The following EVC2 variants were observed in gnomAD, a reference collection of about 807,000 sequenced individuals.
EVC2 encodes limbin.
Under a neutral mutation model 149.3 loss-of-function variants are expected in EVC2, and 148 were observed. The ratio of observed to expected loss-of-function variants is 0.99; its 90% CI spans 0.87 to 1.14. The LOEUF (loss-of-function observed/expected upper bound fraction) is 1.14, where lower values mean the gene tolerates loss of function less well. EVC2 is among the 50% of genes most tolerant of loss of function. The pLI, the probability that EVC2 is intolerant of heterozygous loss-of-function variation, is 0.00. For missense variants in EVC2, 1,854 were observed against 1,627.3 expected, an observed-to-expected ratio of 1.14 and a Z score of -2.40; for synonymous variants, 776 against 649.9, an observed-to-expected ratio of 1.19 and a Z score of -2.95.
In EVC2 at chr4:5,567,659, A is replaced by C. The variant is rs1722372116; in HGVS notation, c.3557+785T>G. ...CCCATAAAAAGCCTTTAATGACCAA[A>C]TTCACACCTGGGGCCCCATCCTAAA... is the stretch of plus-strand genomic sequence containing the variant. On this transcript the variant is annotated intron_variant, in intron 20 of 21. Transcript: ENST00000344408. This position sits in a 1 kb window ranked among gnomAD's most constrained non-coding sequence, Gnocchi z 4.4. Among the ~76,000 whole-genome samples, 1 of 151,884 alleles carries C rather than the reference A, an allele frequency of 6.6e-6. No individual in the cohort carries two copies. The highest frequency in any genetic ancestry group is 1.5e-5 in the Non-Finnish European group (1 of 67,982).
At chr4:5,568,198 T>C (rs1397651689) in intron 20 of EVC2, among the ~76,000 whole-genome samples, 2 of 151,854 alleles carry the variant, frequency 1.3e-5, no homozygotes, top group Non-Finnish European at 2.9e-5. Context: ...CATAAAACCA[T>C]GGATATTTCT....
At chr4:5,529,649 A>T in the EVC2 span, among the ~76,000 whole-genome samples, 1 of 152,154 alleles carries the variant, frequency 6.6e-6, no homozygotes, top group Non-Finnish European at 1.5e-5. The surrounding 1 kb of genome is among the most constrained non-coding windows in gnomAD (Gnocchi z 4.5). Context: ...ATTGAAATAC[A>T]TTGGAAGCTT....
chr4:5,529,032 A>G, the EVC2 span, among the ~76,000 whole-genome samples: 4 of 152,196 alleles, frequency 2.6e-5, no homozygotes, highest in Non-Finnish European at 2.9e-5. This position sits in a 1 kb window ranked among gnomAD's most constrained non-coding sequence, Gnocchi z 4.5. Flanking sequence ...ATATATATAT[A>G]GCTTACCCCT....
At position 5,562,490 on chromosome 4, in the gene EVC2, T is replaced by C. The variant is rs1722015413; in HGVS notation, c.*358A>G. ...AAATTCCCTTTATAAAAATAGAATA[T>C]GTAACAAATACAAAACATAAGAGTA... On this transcript the variant is annotated 3_prime_UTR_variant, in exon 22 of 22. Transcript: ENST00000344408. The surrounding 1 kb of genome is among the most constrained non-coding windows in gnomAD (Gnocchi z 4.3). 6 of 1,100,758 alleles carry C rather than the reference T, an allele frequency of 5.5e-6. No individual in the cohort carries two copies. Among genetic ancestry groups the C allele is most frequent in the East Asian group, 6.3e-5 (1 of 15,892 alleles). The allele number at this position is 1,100,758 out of a possible 1,614,324, so 68.2% of individuals were successfully genotyped here.
rs995406340 is a variant in EVC2, at chr4:5,587,903, C to T, written c.2830-3053G>A. Among the ~76,000 whole-genome samples, 20 of 152,072 alleles carry T rather than the reference C, an allele frequency of 1.3e-4. 1 individual carries two copies. The highest frequency in any genetic ancestry group is 1.2e-4 in the African/African-American group (5 of 41,410). ...TTTAACTACCAGGCCCAGGGTGTGG[C>T]GCCGGGCTGTCTGCTTGTGGATTTC... On this transcript the variant is annotated intron_variant, in intron 16 of 21. Coordinates refer to ENST00000344408, the MANE Select transcript of EVC2 (RefSeq NM_147127.5).
In EVC2 at chr4:5,657,097, G is replaced by A. The variant is rs567627772; in HGVS notation, c.1145+6010C>T. On this transcript the variant is annotated intron_variant, in intron 9 of 21. Coordinates refer to ENST00000344408, the MANE Select transcript of EVC2 (RefSeq NM_147127.5). This position sits in a 1 kb window ranked among gnomAD's most constrained non-coding sequence, Gnocchi z 4.7. ...TCCATGCCTCCATCCAGACCACTGA[G>A]ACCACTGCAGGGGAAGGCACCTCGT... is the stretch of plus-strand genomic sequence containing the variant. Among the ~76,000 whole-genome samples the A allele has an allele frequency of 1.2e-3, 186 of 152,282 alleles. 1 individual carries two copies. Among genetic ancestry groups the A allele is most frequent in the Non-Finnish European group, 2.3e-3 (157 of 68,024 alleles).
intron 5 of EVC2, 142 bp from the exon 6 acceptor site, chr4:5,685,621 A>C: frequency 1.5e-6 from 1 of 678,622 alleles, no homozygotes; most frequent in Non-Finnish European, 2.6e-6. Flanking sequence ...TGCAGCAAGG[A>C]AGCCCTTTGT....
At chr4:5,659,650 G>T (rs1718753799) in intron 9 of EVC2, among the ~76,000 whole-genome samples, 1 of 152,102 alleles carries the variant, frequency 6.6e-6, no homozygotes, top group Non-Finnish European at 1.5e-5. Flanking sequence ...TATAATTCCA[G>T]AGGTGCAAGA....
chr4:5,649,859 A>G (rs1334551535), intron 9 of EVC2, among the ~76,000 whole-genome samples: 1 of 145,208 alleles, frequency 6.9e-6, no homozygotes, highest in Non-Finnish European at 1.5e-5. Context: ...TTTATAAACT[A>G]TCCATTTGAA....
In EVC2 at chr4:5,613,730, C is replaced by A. The variant is rs76338045; in HGVS notation, c.2829+1692G>T. The stretch of plus-strand genomic sequence containing the variant: ...CAGTGGCTCTCACATTGATGTATAT[C>A]TCTTGAATTAGCCTTTAACAATAGG... On this transcript the variant is annotated intron_variant, in intron 16 of 21. Transcript: ENST00000344408. This position sits in a 1 kb window ranked among gnomAD's most constrained non-coding sequence, Gnocchi z 4.6. 8.0e-4 allele frequency among the ~76,000 whole-genome samples: 119 copies of A among 147,838 alleles called. No individual in the cohort carries two copies. The highest frequency in any genetic ancestry group is 3.0e-3 in the African/African-American group (113 of 37,848).
At chr4:5,707,665 G>T (rs1722301436) in intron 1 of EVC2, among the ~76,000 whole-genome samples, 1 of 152,088 alleles carries the variant, frequency 6.6e-6, no homozygotes, top group Non-Finnish European at 1.5e-5. Context: ...GCAGACATCC[G>T]AGCTGATTTG....
chr4:5,566,021 C>G (rs565990233), intron 20 of EVC2, among the ~76,000 whole-genome samples: 1 of 152,356 alleles, frequency 6.6e-6, no homozygotes, highest in South Asian at 2.1e-4. Context: ...GCAAGCAGGG[C>G]TTTGTCTCTT....
chr4:5,594,768 C>T (rs1466794039), intron 16 of EVC2, among the ~76,000 whole-genome samples: 1 of 152,168 alleles, frequency 6.6e-6, no homozygotes, highest in East Asian at 1.9e-4. Context: ...GATCAAACTA[C>T]TCCAAGCTAC....
rs1363199752 is a variant in EVC2 at position 5,677,423 on chromosome 4, G to A, written c.870+3837C>T. ...CTCCCTGAATGTGGTCCACAGCCTG[G>A]GGGCGCCTGTCCTGGGGGCTGGTGT... On this transcript the variant is annotated intron_variant, in intron 7 of 21. Transcript: ENST00000344408. The surrounding 1 kb of genome is among the most constrained non-coding windows in gnomAD (Gnocchi z 4.3). Among the ~76,000 whole-genome samples, 1 of 152,160 alleles carries A rather than the reference G, an allele frequency of 6.6e-6. No individual in the cohort carries two copies. Among genetic ancestry groups the A allele is most frequent in the African/African-American group, 2.4e-5 (1 of 41,442 alleles).
intron 19 of EVC2, 83 bp downstream of exon 19, chr4:5,574,602 G>A (rs1722808816): frequency 1.4e-6 from 2 of 1,383,330 alleles, no homozygotes; most frequent in Non-Finnish European, 2.1e-6. Context: ...CCATCCTGGA[G>A]GTGAGGAAAT....
At chr4:5,650,876 C>T (rs149489732) in intron 9 of EVC2, among the ~76,000 whole-genome samples, 7 of 152,114 alleles carry the variant, frequency 4.6e-5, no homozygotes, top group South Asian at 2.1e-4. Context: ...ACGGCACACA[C>T]GAAGCACTTA....
chr4:5,672,248 G>A (rs1038687175), intron 7 of EVC2, among the ~76,000 whole-genome samples: 1 of 152,230 alleles, frequency 6.6e-6, no homozygotes, highest in Non-Finnish European at 1.5e-5. Context: ...GGCGAGCCTG[G>A]AGAAGGACTG....
chr4:5,532,693 C>T, the EVC2 span, among the ~76,000 whole-genome samples: 4 of 152,184 alleles, frequency 2.6e-5, no homozygotes, highest in South Asian at 8.3e-4. Flanking sequence ...TCTGCACTGA[C>T]CGTCTAGCAG....
At chr4:5,597,471 T>C (rs1478512579) in intron 16 of EVC2, among the ~76,000 whole-genome samples, 4 of 151,500 alleles carry the variant, frequency 2.6e-5, no homozygotes, top group Non-Finnish European at 5.9e-5. Flanking sequence ...AAAAACCACA[T>C]GATTATCTCA....
Sources: gnomAD v4.1 joint callset for allele counts (sites outside exome capture counted in the v4.1 genomes callset) on GRCh38, gnomAD v4.1.1 for gene constraint, Gnocchi (gnomAD v3.1) non-coding constraint, MANE v1.5 for transcripts, NCBI Gene and HGNC (gene_info 2026-07-23, HGNC 2026-07-21) for gene names.